The following LNPK variants were observed in gnomAD, a reference collection of about 807,000 sequenced individuals.
LNPK encodes endoplasmic reticulum junction formation protein lunapark.
A neutral mutation model predicts 55.2 loss-of-function variants in LNPK; 29 were observed. That is an observed-to-expected ratio of 0.53 (90% CI 0.39 to 0.72). LNPK has a LOEUF of 0.72. Ranked by LOEUF, LNPK falls within the 30% of genes least tolerant of loss-of-function variation. The pLI is 0.00. For synonymous variants in LNPK, 162 were observed against 168.2 expected (o/e 0.96, Z 0.29); for missense variants, 467 against 494.8 (o/e 0.94, Z 0.53).
rs1313809578 is a variant in LNPK at position 175,925,960 on chromosome 2, C to T, written c.*4007G>A. 2.0e-5 allele frequency: 3 copies of T among 152,250 alleles called. No individual in the cohort carries two copies. Among genetic ancestry groups the T allele is most frequent in the African/African-American group, 7.2e-5 (3 of 41,444 alleles). 9.4% of individuals were successfully genotyped at this position (152,250 alleles called of 1,614,324 possible). On this transcript the variant is annotated 3_prime_UTR_variant, in exon 13 of 13. Transcript: ENST00000272748. ...ATTACAGGCGTGAGCCACCACCACA[C>T]CTGGCCCCTCATTTTCTGTTTTTTA... is the stretch of plus-strand genomic sequence containing the variant.
Position 175,924,429 on chromosome 2 carries a change from AG to A in LNPK, c.*5537del, listed in dbSNP as rs1403131465. 6.6e-6 allele frequency: 1 copy of A among 152,242 alleles called. No homozygotes were observed. Among genetic ancestry groups the A allele is most frequent in the African/African-American group, 2.4e-5 (1 of 41,468 alleles). The allele number at this position is 152,242 out of a possible 1,614,324, so 9.4% of individuals were successfully genotyped here. Reference sequence around the variant, plus strand: ...GTAGTTGCTGTCCACTGGAAATAAAAGTAGACTTATAAGGTCTTATTTTTTA... The same window carrying A: ...GTAGTTGCTGTCCACTGGAAATAAAATAGACTTATAAGGTCTTATTTTTTA... On this transcript the variant is annotated 3_prime_UTR_variant, in exon 13 of 13. Transcript: ENST00000272748.
intron 9 of LNPK, among the ~76,000 whole-genome samples, chr2:175,943,962 C>A (rs944279133): frequency 6.6e-6 from 1 of 151,866 alleles, no homozygotes; most frequent in African/African-American, 2.4e-5. Context: ...TAGAAGAAAA[C>A]CAGATTGGAA....
At chr2:175,947,935 T>G (rs963713961) in intron 8 of LNPK, among the ~76,000 whole-genome samples, 1 of 152,204 alleles carries the variant, frequency 6.6e-6, no homozygotes, top group Non-Finnish European at 1.5e-5. Flanking sequence ...ATACCACTTT[T>G]CAAAACAAAT....
Position 175,926,060 on chromosome 2 carries a change from GC to G in LNPK, c.*3906del, listed in dbSNP as rs2105496354. 1 of 152,348 alleles carries G rather than the reference GC, an allele frequency of 6.6e-6. No homozygotes were observed. Among genetic ancestry groups the G allele is most frequent in the South Asian group, 2.1e-4 (1 of 4,824 alleles). 9.4% of individuals were successfully genotyped at this position (152,348 alleles called of 1,614,324 possible). ...AGACAAAGAAACCAGTTAAGAGACA[GC>G]TTTGGTAATCTGAAATGATGGAGGC... On this transcript the variant is annotated 3_prime_UTR_variant, in exon 13 of 13. Coordinates refer to ENST00000272748, the MANE Select transcript of LNPK (RefSeq NM_030650.3).
At chr2:175,962,731 G>A (rs1686108846) in intron 8 of LNPK, among the ~76,000 whole-genome samples, 1 of 152,118 alleles carries the variant, frequency 6.6e-6, no homozygotes, top group Admixed American at 6.6e-5. Flanking sequence ...AAGAGCTTCT[G>A]CACAGCAGAA....
At chr2:175,932,458 G>A (rs1375447028) in intron 12 of LNPK, among the ~76,000 whole-genome samples, 1 of 152,082 alleles carries the variant, frequency 6.6e-6, no homozygotes. Context: ...TGGTGAAATG[G>A]GTGGAAATTG....
In LNPK at chr2:175,929,054, T is replaced by A; in HGVS notation, c.*913A>T. The A allele has an allele frequency of 1.0e-6, 1 of 955,958 alleles. No homozygotes were observed. The highest frequency in any genetic ancestry group is 1.2e-6 in the Non-Finnish European group (1 of 802,762). 59.2% of individuals were successfully genotyped at this position (955,958 alleles called of 1,614,324 possible). A position where few individuals can be genotyped will look rare whatever the true frequency, so the allele number is the denominator to read the frequency against. ...TTGTGAGCTATTCCTCCTAAGATTT[T>A]TCAGGTAGCCAAGTCACCCACCAAG... On this transcript the variant is annotated 3_prime_UTR_variant, in exon 13 of 13. Coordinates refer to ENST00000272748, the MANE Select transcript of LNPK (RefSeq NM_030650.3).
chr2:175,944,774 T>C (rs1685038548), intron 9 of LNPK, among the ~76,000 whole-genome samples: 1 of 152,196 alleles, frequency 6.6e-6, no homozygotes, highest in South Asian at 2.1e-4. Flanking sequence ...ACTAAATTCT[T>C]ATAATTTAAA....
At chr2:175,942,202 C>T (rs1390972032) in intron 9 of LNPK, among the ~76,000 whole-genome samples, 1 of 152,062 alleles carries the variant, frequency 6.6e-6, no homozygotes, top group African/African-American at 2.4e-5. Flanking sequence ...ATTTAAATCA[C>T]CTTAAAAGAT....
Position 175,927,854 on chromosome 2 carries a change from T to G in LNPK, c.*2113A>C, listed in dbSNP as rs1225066557. Reference sequence around the variant, plus strand: ...GGTTACAAACATGTTACCTATCGCATTAATTTTACTAATCCCCTTTTAACC... The same window carrying G: ...GGTTACAAACATGTTACCTATCGCAGTAATTTTACTAATCCCCTTTTAACC... On this transcript the variant is annotated 3_prime_UTR_variant, in exon 13 of 13. Coordinates refer to ENST00000272748, the MANE Select transcript of LNPK (RefSeq NM_030650.3). 1.3e-5 allele frequency: 2 copies of G among 152,200 alleles called. No individual in the cohort carries two copies. The highest frequency in any genetic ancestry group is 2.9e-5 in the Non-Finnish European group (2 of 68,028). The allele number at this position is 152,200 out of a possible 1,614,324, so 9.4% of individuals were successfully genotyped here.
At chr2:175,943,331 T>C (rs918730269) in intron 9 of LNPK, among the ~76,000 whole-genome samples, 3 of 150,428 alleles carry the variant, frequency 2.0e-5, no homozygotes, top group African/African-American at 7.3e-5. Context: ...GAAGAAATAA[T>C]ACCAATTCTA....
rs577154875 is a variant in LNPK at position 175,930,394 on chromosome 2, TGATAG to T, written c.1055-200_1055-196del. 1.3e-4 allele frequency among the ~76,000 whole-genome samples: 19 copies of T among 151,398 alleles called. No individual in the cohort carries two copies. The East Asian group carries it at 3.3e-3, about 26-fold the overall frequency. ...TACATAACTCTCTTTACAGTTAGTA[TGATAG>T]AAGAAAAAAAAAGTAATTCAGAGGA... On this transcript the variant is annotated intron_variant, in intron 12 of 12. Transcript: ENST00000272748.
At chr2:175,994,440 T>C (rs918809156) in intron 2 of LNPK, among the ~76,000 whole-genome samples, 2 of 152,194 alleles carry the variant, frequency 1.3e-5, no homozygotes, top group Admixed American at 1.3e-4. Flanking sequence ...TCTATTATTA[T>C]GGTAATAAGG....
At chr2:175,938,216 G>C (rs894971969) in intron 11 of LNPK, 97 bp downstream of exon 11, 2 of 735,368 alleles carry the variant, frequency 2.7e-6, no homozygotes, top group Admixed American at 2.2e-5. Context: ...TGTATACAAA[G>C]AGAGTATATA....
chr2:175,968,193 C>T (rs116820635), intron 6 of LNPK, among the ~76,000 whole-genome samples: 54 of 152,280 alleles, frequency 3.5e-4, no homozygotes, highest in African/African-American at 8.9e-4. Flanking sequence ...TTGCCTTCAG[C>T]TGACATTAGT....
At chr2:175,931,549 TATGTAGAATAAAGGCCCAA>T (rs1290779892) in intron 12 of LNPK, among the ~76,000 whole-genome samples, 1 of 152,196 alleles carries the variant, frequency 6.6e-6, no homozygotes, top group East Asian at 1.9e-4. Context: ...CACCTTTTGA[TATGTAGAATAAAGGCCCAA>T]ATTCTATAGT....
chr2:175,987,530 G>T (rs576289875), intron 4 of LNPK, among the ~76,000 whole-genome samples: 30 of 152,198 alleles, frequency 2.0e-4, no homozygotes, highest in African/African-American at 6.5e-4. Flanking sequence ...TTGTGGGGTG[G>T]GGGGAGCAGG....
intron 5 of LNPK, among the ~76,000 whole-genome samples, chr2:175,972,327 AT>A (rs1029738668): frequency 4.0e-5 from 6 of 150,422 alleles, no homozygotes; most frequent in African/African-American, 1.2e-4. Flanking sequence ...TCAGATTTCA[AT>A]TTTTTTTTTA....
At chr2:175,941,258 A>C (rs1234173639) in intron 9 of LNPK, among the ~76,000 whole-genome samples, 1 of 113,346 alleles carries the variant, frequency 8.8e-6, no homozygotes, top group Non-Finnish European at 2.2e-5. Context: ...AACAGTCTCA[A>C]GCAGCCTAAT....
Sources: gnomAD v4.1 joint callset for allele counts (sites outside exome capture counted in the v4.1 genomes callset) on GRCh38, gnomAD v4.1.1 for gene constraint, MANE v1.5 for transcripts, NCBI Gene and HGNC (gene_info 2026-07-23, HGNC 2026-07-21) for gene names.